Variants in CCDC7 observed in about 807,000 individuals in gnomAD.
CCDC7 encodes the protein coiled-coil domain containing 7.
Under a neutral mutation model 196.9 loss-of-function variants are expected in CCDC7, and 183 were observed. That is an observed-to-expected ratio of 0.93 (90% CI 0.82 to 1.05). CCDC7 has a LOEUF of 1.05. Among genes scored for constraint, CCDC7 ranks in the 50% least tolerant of loss-of-function variants. The probability of loss-of-function intolerance (pLI) is 0.00; values close to 1 mark genes in which losing one functional copy is unlikely to be tolerated. For synonymous variants in CCDC7, 525 were observed against 484.6 expected (o/e 1.08, Z -1.10); for missense variants, 1,540 against 1,482.2 (o/e 1.04, Z -0.64).
intron 18 of CCDC7, among the ~76,000 whole-genome samples, chr10:32,605,977 C>T (rs933259973): frequency 1.3e-5 from 2 of 152,212 alleles, no homozygotes; most frequent in Admixed American, 6.5e-5. Context: ...GAAGTCATTT[C>T]AGAGATATTC....
chr10:32,638,919 G>A (rs527870936), intron 20 of CCDC7, among the ~76,000 whole-genome samples: 76 of 152,218 alleles, frequency 5.0e-4, no homozygotes, highest in African/African-American at 1.7e-3. Flanking sequence ...CCTGTTATTG[G>A]TCTATTCAGA....
intron 32 of CCDC7, among the ~76,000 whole-genome samples, 154 bp from the exon 34 acceptor site, chr10:32,834,660 CT>C (rs5784305): frequency 0.13 from 18,338 of 143,656 alleles, 1,346 homozygotes; most frequent in South Asian, 0.27. Context: ...CAGTCCAGTG[CT>C]TTTTTTTTTT....
intron 41 of CCDC7, among the ~76,000 whole-genome samples, chr10:32,869,367 C>A (rs1472875673): frequency 6.6e-6 from 1 of 152,120 alleles, no homozygotes; most frequent in Non-Finnish European, 1.5e-5. Flanking sequence ...TAAATGTCTT[C>A]TTTTGAGAAG....
At position 32,600,290 on chromosome 10, in the gene CCDC7, G is replaced by A. The variant is rs146542581; in HGVS notation, c.1801+15986G>A. On this transcript the variant is annotated intron_variant, in intron 18 of 41. Coordinates refer to ENST00000639629, the Ensembl canonical transcript of CCDC7. The stretch of plus-strand genomic sequence containing the variant: ...AGAGCTCTTTTACCTCATTTGTTGC[G>A]TATATTTCTAGTTTTTTTTTTTTGC... Among the ~76,000 whole-genome samples, 16 of 133,938 alleles carry A rather than the reference G, an allele frequency of 1.2e-4. No homozygotes were observed. The East Asian group carries it at 1.5e-3, about 13-fold the overall frequency. 87.9% of individuals were successfully genotyped at this position (133,938 alleles called of 152,430 possible). A position where few individuals can be genotyped will look rare whatever the true frequency, so the allele number is the denominator to read the frequency against.
rs73259433 is a variant in CCDC7 at position 32,674,546 on chromosome 10, G to A, written c.2122+10385G>A. 3.9e-5 allele frequency among the ~76,000 whole-genome samples: 6 copies of A among 152,170 alleles called. 1 individual carries two copies. The highest frequency in any genetic ancestry group is 2.0e-4 in the Admixed American group (3 of 15,276). ...AAATATCTCAGTGTGTAGGAGAATTGTGTGTATTCCGCTGCTTTTGGATGG... is the reference window on the plus strand; with the variant it reads ...AAATATCTCAGTGTGTAGGAGAATTATGTGTATTCCGCTGCTTTTGGATGG... On this transcript the variant is annotated intron_variant, in intron 21 of 41. Transcript: ENST00000639629.
chr10:32,574,433 T>C, intron 16 of CCDC7: 16 of 1,592,434 alleles, frequency 1.0e-5, no homozygotes, highest in Non-Finnish European at 1.3e-5. Context: ...TCTTAGATGC[T>C]AATAGAGTTT....
intron 29 of CCDC7, among the ~76,000 whole-genome samples, chr10:32,788,991 T>C (rs199707592): frequency 1.3e-5 from 2 of 151,890 alleles, no homozygotes; most frequent in East Asian, 3.9e-4. Flanking sequence ...TGCCTTCTCA[T>C]CCAGCCACTA....
intron 40 of CCDC7, among the ~76,000 whole-genome samples, chr10:32,853,022 A>G (rs1345843674): frequency 6.6e-6 from 1 of 152,198 alleles, no homozygotes; most frequent in Non-Finnish European, 1.5e-5. Flanking sequence ...CTAGCTTTTT[A>G]TAGCTTCTCA....
chr10:32,837,406 A>AT (rs1036795253), intron 33 of CCDC7, among the ~76,000 whole-genome samples: 7 of 152,294 alleles, frequency 4.6e-5, no homozygotes, highest in Non-Finnish European at 1.0e-4. Flanking sequence ...AATGGCGATC[A>AT]TTAAAAAGTC....
chr10:32,871,280 C>T (rs1279724540), intron 41 of CCDC7, among the ~76,000 whole-genome samples: 7 of 151,976 alleles, frequency 4.6e-5, no homozygotes, highest in East Asian at 1.9e-4. Context: ...ATTTCAGAGC[C>T]TGTTATTGGT....
intron 14 of CCDC7, among the ~76,000 whole-genome samples, chr10:32,567,032 A>AATATAGCTAATATATATATAATAT (rs2056918513): frequency 6.9e-6 from 1 of 145,504 alleles, no homozygotes; most frequent in Non-Finnish European, 1.5e-5. Context: ...TAACCTTTCT[A>AATATAGCTAATATATATATAATAT]ATATAGCTAA....
At chr10:32,810,024 T>C (rs1261337697) in intron 30 of CCDC7, among the ~76,000 whole-genome samples, 1 of 152,014 alleles carries the variant, frequency 6.6e-6, no homozygotes, top group Non-Finnish European at 1.5e-5. Context: ...GTGGCACATA[T>C]ACACCATGGA....
chr10:32,871,776 G>C (rs1026562353), intron 41 of CCDC7, among the ~76,000 whole-genome samples: 53 of 152,212 alleles, frequency 3.5e-4, no homozygotes, highest in African/African-American at 1.2e-3. Flanking sequence ...CTTTGAATAT[G>C]TCCCAGAGAT....
At chr10:32,863,696 A>G (rs2094095063) in intron 41 of CCDC7, among the ~76,000 whole-genome samples, 1 of 151,922 alleles carries the variant, frequency 6.6e-6, no homozygotes. Context: ...CTGGATTTCT[A>G]TATGCAAAAA....
intron 28 of CCDC7, among the ~76,000 whole-genome samples, chr10:32,766,025 A>G (rs919601805): frequency 6.6e-6 from 1 of 152,056 alleles, no homozygotes; most frequent in Non-Finnish European, 1.5e-5. Flanking sequence ...TTTCTACAAG[A>G]TATCATACTT....
intron 29 of CCDC7, among the ~76,000 whole-genome samples, chr10:32,803,109 T>G (rs1410274161): frequency 3.9e-5 from 6 of 152,246 alleles, no homozygotes; most frequent in African/African-American, 7.2e-5. Flanking sequence ...AATATTTGTT[T>G]AGACTTGTTT....
At chr10:32,770,124 G>A (rs1424205856) in intron 28 of CCDC7, among the ~76,000 whole-genome samples, 1 of 152,078 alleles carries the variant, frequency 6.6e-6, no homozygotes, top group Non-Finnish European at 1.5e-5. Context: ...ATTTAGTTCT[G>A]CTCTTATCTT....
At chr10:32,662,072 C>T (rs1383319682) in intron 20 of CCDC7, among the ~76,000 whole-genome samples, 1 of 152,152 alleles carries the variant, frequency 6.6e-6, no homozygotes, top group African/African-American at 2.4e-5. Context: ...CTTTTGGCCT[C>T]TCTCCATAGG....
chr10:32,838,132 A>G (rs1198815904), intron 33 of CCDC7, among the ~76,000 whole-genome samples: 1 of 152,112 alleles, frequency 6.6e-6, no homozygotes, highest in East Asian at 1.9e-4. Context: ...CAAGGAAACC[A>G]TAATTAAAGC....
Sources: gnomAD v4.1 joint callset for allele counts (sites outside exome capture counted in the v4.1 genomes callset) on GRCh38, gnomAD v4.1.1 for gene constraint, MANE v1.5 for transcripts, NCBI Gene and HGNC (gene_info 2026-07-23, HGNC 2026-07-21) for gene names.